Variants in ZFPM2 observed in about 807,000 individuals in gnomAD.
ZFPM2 encodes the protein zinc finger protein ZFPM2.
In ZFPM2, 20 loss-of-function variants were observed where a neutral mutation model predicts 98.6. That is an observed-to-expected ratio of 0.20 (90% CI 0.14 to 0.29). ZFPM2 has a LOEUF of 0.29. Among genes scored for constraint, ZFPM2 ranks in the 10% least tolerant of loss-of-function variants. The pLI is 1.00. For synonymous variants in ZFPM2, 518 were observed against 502.7 expected (o/e 1.03, Z -0.41); for missense variants, 1,310 against 1,388.6 (o/e 0.94, Z 0.90).
At chr8:105,394,665 G>A (rs547216195) in intron 1 of ZFPM2, among the ~76,000 whole-genome samples, 2 of 152,252 alleles carry the variant, frequency 1.3e-5, no homozygotes, top group South Asian at 2.1e-4. Flanking sequence ...GTGCATGAGC[G>A]GCTTCGAGTG....
chr8:105,442,912 A>G lies in ZFPM2; in HGVS notation c.200-1368A>G, dbSNP rs529387747. On this transcript the variant is annotated intron_variant, in intron 2 of 7. Coordinates refer to ENST00000407775, the MANE Select transcript of ZFPM2 (RefSeq NM_012082.4). ...TAGAAGTTCAGTGTTTTTTTTTTGT[A>G]TAATCATATAAAGATTTAAGTGGTA... 1.6e-4 allele frequency among the ~76,000 whole-genome samples: 23 copies of G among 146,808 alleles called. No individual in the cohort carries two copies. The East Asian group carries it at 4.3e-3, about 27-fold the overall frequency.
At chr8:105,699,241 A>G in intron 5 of ZFPM2, among the ~76,000 whole-genome samples, 1 of 152,164 alleles carries the variant, frequency 6.6e-6, no homozygotes, top group East Asian at 1.9e-4. Flanking sequence ...TGAAATATTT[A>G]TAGTGTAAAT....
Position 105,568,516 on chromosome 8 carries a change from A to G in ZFPM2, c.420+7035A>G, listed in dbSNP as rs111303824. Among the ~76,000 whole-genome samples, 299 of 152,206 alleles carry G rather than the reference A, an allele frequency of 2.0e-3. 6 individuals carry two copies. Among genetic ancestry groups the G allele is most frequent in the African/African-American group, 6.8e-3 (282 of 41,540 alleles). ...CTCTTTTTCCTTCTATTCAGAGTCA[A>G]ACATCTTCCAAGACTCTCCATTTCA... is the stretch of plus-strand genomic sequence containing the variant. On this transcript the variant is annotated intron_variant, in intron 4 of 7. Transcript: ENST00000407775.
intron 2 of ZFPM2, among the ~76,000 whole-genome samples, chr8:105,442,888 A>G (rs1327258870): frequency 1.4e-5 from 2 of 141,660 alleles, no homozygotes; most frequent in Non-Finnish European, 3.0e-5. Flanking sequence ...GGAAGTTCTT[A>G]GAAGTTCAGT....
At chr8:105,455,962 A>C (rs1397217591) in intron 3 of ZFPM2, among the ~76,000 whole-genome samples, 1 of 152,084 alleles carries the variant, frequency 6.6e-6, no homozygotes, top group Non-Finnish European at 1.5e-5. Context: ...TGGCAGTGGA[A>C]TTCTTGGGAG....
At chr8:105,348,093 G>A (rs1371856775) in intron 1 of ZFPM2, among the ~76,000 whole-genome samples, 3 of 152,156 alleles carry the variant, frequency 2.0e-5, no homozygotes, top group African/African-American at 4.8e-5. Context: ...AGTTCTAACA[G>A]TTATTTCTTT....
chr8:105,791,063 C>CTAAT (rs1434560123), intron 6 of ZFPM2, among the ~76,000 whole-genome samples: 2 of 152,140 alleles, frequency 1.3e-5, no homozygotes, highest in African/African-American at 4.8e-5. Context: ...TCCTCTTTTC[C>CTAAT]TAATTGAATA....
intron 5 of ZFPM2, among the ~76,000 whole-genome samples, chr8:105,680,033 A>G (rs1300272875): frequency 6.6e-6 from 1 of 152,156 alleles, no homozygotes; most frequent in East Asian, 1.9e-4. Context: ...ACATTTTGTT[A>G]CAGGGAAGTC....
intron 5 of ZFPM2, among the ~76,000 whole-genome samples, chr8:105,676,666 T>G (rs1810476666): frequency 6.6e-6 from 1 of 152,032 alleles, no homozygotes; most frequent in South Asian, 2.1e-4. Context: ...AGAGCAATAT[T>G]TGAAAATACC....
intron 6 of ZFPM2, among the ~76,000 whole-genome samples, chr8:105,795,351 T>TCACACACA (rs34036735): frequency 2.1e-5 from 3 of 145,440 alleles, no homozygotes; most frequent in Non-Finnish European, 3.0e-5. Context: ...TTCCTGAATG[T>TCACACACA]CACACACACA....
intron 1 of ZFPM2, among the ~76,000 whole-genome samples, chr8:105,358,838 C>T (rs1160175778): frequency 1.3e-5 from 2 of 152,022 alleles, no homozygotes; most frequent in Admixed American, 1.3e-4. Flanking sequence ...GCCTGTAGTC[C>T]CAGCTACTTG....
At chr8:105,361,468 T>G (rs1812860418) in intron 1 of ZFPM2, among the ~76,000 whole-genome samples, 1 of 151,576 alleles carries the variant, frequency 6.6e-6, no homozygotes, top group Admixed American at 6.6e-5. Context: ...CAGAAGCTCT[T>G]TAGTTTAATT....
chr8:105,787,006 A>G (rs572231912), intron 5 of ZFPM2: 1 of 152,308 alleles, frequency 6.6e-6, no homozygotes, highest in South Asian at 2.1e-4. Context: ...GCTCTCCGTT[A>G]CACAGCCTCA....
intron 5 of ZFPM2, among the ~76,000 whole-genome samples, chr8:105,771,516 G>C (rs550177623): frequency 1.3e-5 from 2 of 152,236 alleles, no homozygotes; most frequent in East Asian, 3.9e-4. Context: ...TGACCCTTTT[G>C]TGCAAATTAA....
At chr8:105,361,516 C>T (rs1435166132) in intron 1 of ZFPM2, among the ~76,000 whole-genome samples, 1 of 151,740 alleles carries the variant, frequency 6.6e-6, no homozygotes, top group Non-Finnish European at 1.5e-5. Context: ...GTTGCCATTG[C>T]TTTTGGTGTT....
intron 5 of ZFPM2, among the ~76,000 whole-genome samples, chr8:105,731,780 G>A (rs1478026258): frequency 1.3e-5 from 2 of 151,688 alleles, no homozygotes; most frequent in African/African-American, 2.4e-5. Flanking sequence ...AAATCACTTT[G>A]CATGTTTGTA....
chr8:105,512,313 C>T (rs376373488), intron 3 of ZFPM2, among the ~76,000 whole-genome samples: 1 of 152,122 alleles, frequency 6.6e-6, no homozygotes, highest in East Asian at 1.9e-4. Context: ...ACAGCTTTGA[C>T]CCTTGTAAAC....
intron 1 of ZFPM2, among the ~76,000 whole-genome samples, chr8:105,354,188 T>C (rs1370841467): frequency 2.6e-5 from 4 of 152,208 alleles, no homozygotes; most frequent in African/African-American, 4.8e-5. Flanking sequence ...TGTTAAAATA[T>C]TCAAATATGC....
At chr8:105,746,233 G>T (rs527914630) in intron 5 of ZFPM2, among the ~76,000 whole-genome samples, 2 of 151,848 alleles carry the variant, frequency 1.3e-5, no homozygotes, top group Admixed American at 6.6e-5. Flanking sequence ...TATCTAGTGT[G>T]TCAAATAGAG....
Sources: allele counts gnomAD v4.1 joint callset (sites outside exome capture counted in the v4.1 genomes callset), GRCh38; gene constraint gnomAD v4.1.1; transcripts MANE v1.5; gene names NCBI Gene and HGNC (gene_info 2026-07-23, HGNC 2026-07-21).